The following WDHD1 variants were observed in gnomAD, a reference collection of about 807,000 sequenced individuals.
The protein encoded by WDHD1 is WD repeat and HMG-box DNA binding protein 1.
In WDHD1, 111 loss-of-function variants were observed where a neutral mutation model predicts 135.4. The observed-to-expected ratio is 0.82, with a 90% CI of 0.70 to 0.96. The LOEUF is 0.96. WDHD1 is among the 40% of genes least tolerant of loss of function. The probability of loss-of-function intolerance (pLI) is 0.00; values close to 1 mark genes in which losing one functional copy is unlikely to be tolerated. For missense variants in WDHD1, 1,351 were observed against 1,336.3 expected (o/e 1.01, Z -0.17); for synonymous variants, 434 against 439.0 (o/e 0.99, Z 0.14).
At chr14:54,952,011 T>A (rs1303652051) in intron 24 of WDHD1, among the ~76,000 whole-genome samples, 2 of 152,168 alleles carry the variant, frequency 1.3e-5, no homozygotes, top group East Asian at 3.9e-4. Context: ...AAGAGCTATT[T>A]ATGACAAACC....
intron 24 of WDHD1, chr14:54,944,694 A>G (rs978649442): frequency 2.3e-5 from 6 of 265,176 alleles, no homozygotes; most frequent in African/African-American, 4.9e-5. Context: ...ATCTCAGCTC[A>G]CTGCAACCTC....
At chr14:55,019,475 CTT>C (rs892387142) in intron 2 of WDHD1, among the ~76,000 whole-genome samples, 3 of 152,094 alleles carry the variant, frequency 2.0e-5, no homozygotes, top group Non-Finnish European at 4.4e-5. Context: ...TGTGCCTTCT[CTT>C]TTTTGATTCA....
At chr14:54,953,051 G>T (rs1490918607) in intron 24 of WDHD1, among the ~76,000 whole-genome samples, 1 of 152,132 alleles carries the variant, frequency 6.6e-6, no homozygotes, top group Non-Finnish European at 1.5e-5. Context: ...ATACCATTCA[G>T]GATATAGGAA....
chr14:54,987,143 T>C lies in WDHD1; in HGVS notation c.1768+3A>G. On this transcript the variant is annotated splice_donor_region_variant and intron_variant, in intron 14 of 25. Coordinates refer to ENST00000360586, the MANE Select transcript of WDHD1 (RefSeq NM_007086.4). Reference sequence around the variant, plus strand: ...AAGTCATAAAAGACTGAAAAAAATCTACCTCTGTGATAAACAATGAAAAGC... The same window carrying C: ...AAGTCATAAAAGACTGAAAAAAATCCACCTCTGTGATAAACAATGAAAAGC... 1 of 1,612,580 alleles carries C rather than the reference T, an allele frequency of 6.2e-7. No individual in the cohort carries two copies. Among genetic ancestry groups the C allele is most frequent in the South Asian group, 1.1e-5 (1 of 90,524 alleles).
At chr14:54,973,122 A>G (rs2041468326) in intron 16 of WDHD1, among the ~76,000 whole-genome samples, 2 of 152,226 alleles carry the variant, frequency 1.3e-5, no homozygotes, top group African/African-American at 2.4e-5. Context: ...TGCACACTAT[A>G]AATACCACAG....
intron 24 of WDHD1, among the ~76,000 whole-genome samples, chr14:54,952,790 G>T (rs759095635): frequency 1.9e-4 from 29 of 152,098 alleles, no homozygotes; most frequent in Non-Finnish European, 1.9e-4. Context: ...CAGACCAATG[G>T]AACAGAACAG....
At chr14:54,964,593 C>T (rs184662130) in intron 18 of WDHD1, among the ~76,000 whole-genome samples, 4 of 151,472 alleles carry the variant, frequency 2.6e-5, no homozygotes, top group Admixed American at 2.0e-4. Flanking sequence ...GAGCAGAGAT[C>T]GCGCCACTGC....
intron 13 of WDHD1, among the ~76,000 whole-genome samples, chr14:54,988,316 T>A (rs115754470): frequency 2.0e-5 from 3 of 152,136 alleles, no homozygotes; most frequent in African/African-American, 7.2e-5. Flanking sequence ...AAGGCTCAGG[T>A]TGAATTAACT....
At chr14:54,959,753 T>G (rs1262439127) in intron 21 of WDHD1, among the ~76,000 whole-genome samples, 1 of 151,862 alleles carries the variant, frequency 6.6e-6, no homozygotes, top group Admixed American at 6.6e-5. Flanking sequence ...TGCTCCAGTC[T>G]GAGTGACAAA....
chr14:54,984,611 G>C, intron 15 of WDHD1, 112 bp downstream of exon 15: 2 of 905,496 alleles, frequency 2.2e-6, no homozygotes, highest in Non-Finnish European at 3.0e-6. Flanking sequence ...ATATAAAATA[G>C]AGATAATTTA....
At position 54,995,940 on chromosome 14, in the gene WDHD1, GAAT is replaced by G. The variant is rs1304743236; in HGVS notation, c.943-130_943-128del. The G allele has an allele frequency of 1.1e-5, 7 of 625,926 alleles. No individual in the cohort carries two copies. In the East Asian group the frequency reaches 1.7e-4, roughly 15 times the overall value. The allele number at this position is 625,926 out of a possible 1,614,324, so 38.8% of individuals were successfully genotyped here. On this transcript the variant is annotated intron_variant, in intron 10 of 25. Transcript: ENST00000360586. The stretch of plus-strand genomic sequence containing the variant: ...AGCAGCAAACTCACTGAACAGATAA[GAAT>G]AATTAGTAAATGTATTTATGAGAAT...
intron 2 of WDHD1, among the ~76,000 whole-genome samples, chr14:55,018,655 C>T (rs538563351): frequency 7.9e-5 from 12 of 152,196 alleles, no homozygotes; most frequent in Admixed American, 4.6e-4. Flanking sequence ...AAGTATTTAC[C>T]CATTTCAATT....
chr14:54,991,183 T>A (rs781625378), intron 12 of WDHD1, 30 bp downstream of exon 12: 35 of 1,284,008 alleles, frequency 2.7e-5, no homozygotes, highest in Non-Finnish European at 3.4e-5. Context: ...GAAAACCTAC[T>A]AAGAAGTTAA....
rs2041349675 is a variant in WDHD1 at position 54,966,590 on chromosome 14, G to C, written c.2195C>G (p.Ser732Ter). 6.2e-7 allele frequency: 1 copy of C among 1,605,732 alleles called. No homozygotes were observed. Among genetic ancestry groups the C allele is most frequent in the African/African-American group, 1.3e-5 (1 of 74,426 alleles). Residue 732 changes from serine to a stop codon, truncating the protein, a stop_gained, in exon 18 of 26, where the codon TCA becomes TGA. Transcript: ENST00000360586. LOFTEE classifies it high-confidence loss of function. ...KGQMEEQFWR[S>*]VIFHNHLDYL... The stretch of plus-strand genomic sequence containing the variant: ...ATCAAGGTGGTTGTGAAATATAACT[G>C]AACGCCAAAATTGCTCCTATAAAAG...
rs559332419 is a variant in WDHD1 at position 55,013,472 on chromosome 14, CTG to C, written c.189+11_189+12del. ...TATCATTTCATATCAATTGATATAA[CTG>C]TTTTTACTACCTTCAAAGCACATGA... On this transcript the variant is annotated intron_variant, in intron 3 of 25. Transcript: ENST00000360586. 4.5e-6 allele frequency: 7 copies of C among 1,568,634 alleles called. No homozygotes were observed. Among genetic ancestry groups the C allele is most frequent in the Non-Finnish European group, 6.1e-6 (7 of 1,139,082 alleles).
intron 7 of WDHD1, among the ~76,000 whole-genome samples, chr14:55,003,883 T>C (rs2042019845): frequency 1.3e-5 from 2 of 152,162 alleles, no homozygotes; most frequent in African/African-American, 2.4e-5. Context: ...ATATTTTTTA[T>C]GTACACTGTC....
intron 2 of WDHD1, among the ~76,000 whole-genome samples, chr14:55,017,202 G>A (rs1390229886): frequency 6.6e-6 from 1 of 152,144 alleles, no homozygotes; most frequent in Non-Finnish European, 1.5e-5. Context: ...AACTTTGGCA[G>A]GAAATAGCGT....
intron 16 of WDHD1, among the ~76,000 whole-genome samples, chr14:54,969,188 A>G (rs765360632): frequency 6.6e-6 from 1 of 151,926 alleles, no homozygotes; most frequent in Non-Finnish European, 1.5e-5. Context: ...ACAGGTGCCC[A>G]CCACCACGCC....
At chr14:54,980,234 T>C (rs1335597662) in intron 16 of WDHD1, among the ~76,000 whole-genome samples, 1 of 151,790 alleles carries the variant, frequency 6.6e-6, no homozygotes, top group African/African-American at 2.4e-5. Context: ...GAGGATCGCT[T>C]GAGCCCAGGA....
Sources: allele counts gnomAD v4.1 joint callset (sites outside exome capture counted in the v4.1 genomes callset), GRCh38; gene constraint gnomAD v4.1.1; transcripts MANE v1.5; gene names NCBI Gene and HGNC (gene_info 2026-07-23, HGNC 2026-07-21).